TRAPPC9: variants seen among roughly 807,000 people sequenced by gnomAD.
TRAPPC9 encodes the protein IKK2 binding protein.
Under a neutral mutation model 124.0 loss-of-function variants are expected in TRAPPC9, and 83 were observed. The ratio of observed to expected loss-of-function variants is 0.67; its 90% CI spans 0.56 to 0.80. The LOEUF (loss-of-function observed/expected upper bound fraction) is 0.80. TRAPPC9 is among the 30% of genes least tolerant of loss of function. TRAPPC9 has a pLI of 0.00. For missense variants in TRAPPC9, 1,302 were observed against 1,508.3 expected, an observed-to-expected ratio of 0.86 and a Z score of 2.27; for synonymous variants, 638 against 617.5, an observed-to-expected ratio of 1.03 and a Z score of -0.49.
chr8:140,293,964 G>T (rs1300041170), intron 11 of TRAPPC9, among the ~76,000 whole-genome samples: 1 of 152,134 alleles, frequency 6.6e-6, no homozygotes, highest in African/African-American at 2.4e-5. Context: ...GTACTCATCT[G>T]AGCCTCTGCA....
chr8:139,924,538 C>T (rs1001216306), intron 19 of TRAPPC9, among the ~76,000 whole-genome samples: 10 of 152,192 alleles, frequency 6.6e-5, no homozygotes, highest in African/African-American at 2.2e-4. Context: ...ATCATGCTGC[C>T]GGGCCCTGGC....
chr8:140,357,678 G>A (rs896102388), intron 9 of TRAPPC9, among the ~76,000 whole-genome samples: 1 of 152,122 alleles, frequency 6.6e-6, no homozygotes, highest in South Asian at 2.1e-4. Context: ...TGCCCAAGCC[G>A]CCACTGAGCC....
chr8:140,383,791 C>T (rs1304921129), intron 7 of TRAPPC9, among the ~76,000 whole-genome samples: 1 of 152,170 alleles, frequency 6.6e-6, no homozygotes, highest in East Asian at 1.9e-4. Context: ...GGCCAACATT[C>T]AAATTCACGA....
At chr8:139,819,711 C>T (rs35760685) in intron 21 of TRAPPC9, among the ~76,000 whole-genome samples, 9,668 of 152,128 alleles carry the variant, frequency 0.064, 400 homozygotes, top group Admixed American at 0.13. Context: ...GGAGAGCTCA[C>T]ACCAAGAAAT....
Position 139,730,132 on chromosome 8 carries a change from T to A in TRAPPC9, c.*929A>T, listed in dbSNP as rs1244984802. ...CCCAGTCACACTCCTTCACTGGTGA[T>A]CTCCCTCCCCTGCAGGCCTCCTTCC... is the stretch of plus-strand genomic sequence containing the variant. On this transcript the variant is annotated 3_prime_UTR_variant, in exon 23 of 23. Coordinates refer to ENST00000438773, the MANE Select transcript of TRAPPC9 (RefSeq NM_001160372.4). Among the ~76,000 whole-genome samples the A allele has an allele frequency of 6.6e-6, 1 of 152,068 alleles. No individual in the cohort carries two copies. The highest frequency in any genetic ancestry group is 6.5e-5 in the Admixed American group (1 of 15,278).
chr8:140,225,036 A>G (rs568273201), intron 16 of TRAPPC9, among the ~76,000 whole-genome samples: 7 of 152,358 alleles, frequency 4.6e-5, no homozygotes, highest in African/African-American at 1.7e-4. Flanking sequence ...TAGAACACAT[A>G]TACTGTGAGG....
At position 139,910,152 on chromosome 8, in the gene TRAPPC9, T is replaced by G. The variant is rs1362808181; in HGVS notation, c.2959A>C (p.Arg987=). 1 of 1,613,864 alleles carries G rather than the reference T, an allele frequency of 6.2e-7. No homozygotes were observed. The highest frequency in any genetic ancestry group is 2.2e-5 in the East Asian group (1 of 44,828). ...EIHSKLGICW[R]IPSLKRSGEA... is the part of the protein sequence containing the mutation. ...TGGCCCCTGGAAAAGGATATGATTC[T>G]CCAGCAGATGCCCAGCTTGCTGTGG... The change falls in exon 20 of 23, where the codon AGA becomes CGA. Residue 987 remains arginine (R), a synonymous_variant. Transcript: ENST00000438773.
intron 21 of TRAPPC9, among the ~76,000 whole-genome samples, chr8:139,768,724 C>T (rs1037010108): frequency 2.0e-5 from 3 of 152,172 alleles, no homozygotes; most frequent in Non-Finnish European, 4.4e-5. Context: ...CTTTGTACAG[C>T]TCTATTAAAT....
At chr8:140,024,222 C>T (rs539205025) in intron 17 of TRAPPC9, 143 bp from the exon 18 acceptor site, 16 of 1,082,118 alleles carry the variant, frequency 1.5e-5, no homozygotes, top group Non-Finnish European at 2.2e-5. Context: ...CGACTCACAA[C>T]CCCGGCGGGT....
intron 21 of TRAPPC9, among the ~76,000 whole-genome samples, chr8:139,844,847 G>A (rs906862041): frequency 5.3e-5 from 8 of 152,158 alleles, no homozygotes; most frequent in Non-Finnish European, 8.8e-5. Flanking sequence ...GCCTTTGCCC[G>A]GGGCCCCCAG....
intron 3 of TRAPPC9, 126 bp downstream of exon 3, chr8:140,438,926 A>C: frequency 1.8e-6 from 2 of 1,139,200 alleles, no homozygotes; most frequent in Non-Finnish European, 1.3e-6. Flanking sequence ...TCTTGACCTC[A>C]TATTTGGCCT....
intron 16 of TRAPPC9, among the ~76,000 whole-genome samples, chr8:140,249,026 GT>G (rs2064055905): frequency 6.7e-6 from 1 of 148,822 alleles, no homozygotes; most frequent in Non-Finnish European, 1.5e-5. Flanking sequence ...ACTTTTTTTT[GT>G]AATTTCAACT....
chr8:140,280,005 C>T (rs551536506), intron 14 of TRAPPC9, among the ~76,000 whole-genome samples: 2 of 152,378 alleles, frequency 1.3e-5, no homozygotes, highest in African/African-American at 4.8e-5. Flanking sequence ...GATGGAGCCA[C>T]GATCTCCTTT....
chr8:139,924,468 G>A (rs1251540913), intron 19 of TRAPPC9, among the ~76,000 whole-genome samples: 1 of 152,184 alleles, frequency 6.6e-6, no homozygotes, highest in African/African-American at 2.4e-5. Flanking sequence ...TGGACCTCTG[G>A]TTCTTGCCTG....
chr8:139,913,670 G>A (rs1831908103), intron 19 of TRAPPC9, among the ~76,000 whole-genome samples: 1 of 152,148 alleles, frequency 6.6e-6, no homozygotes, highest in African/African-American at 2.4e-5. Flanking sequence ...TGGGATGGCC[G>A]ACGCTGGCAA....
intron 17 of TRAPPC9, among the ~76,000 whole-genome samples, chr8:140,112,223 G>A (rs912141364): frequency 3.3e-5 from 5 of 152,002 alleles, no homozygotes; most frequent in Admixed American, 6.6e-5. Flanking sequence ...GGACAGGTGG[G>A]AGGAGAGTAA....
intron 21 of TRAPPC9, among the ~76,000 whole-genome samples, chr8:139,807,331 C>T (rs191693886): frequency 6.6e-6 from 1 of 152,290 alleles, no homozygotes; most frequent in East Asian, 1.9e-4. Context: ...ATGACCCATG[C>T]GTTCAGAAGA....
At chr8:140,122,503 G>T (rs2061007576) in intron 17 of TRAPPC9, among the ~76,000 whole-genome samples, 1 of 152,218 alleles carries the variant, frequency 6.6e-6, no homozygotes, top group Non-Finnish European at 1.5e-5. Flanking sequence ...CCAGTTCAGT[G>T]CCTATATCTG....
chr8:140,389,931 T>C (rs2068876082), intron 7 of TRAPPC9, among the ~76,000 whole-genome samples: 1 of 150,994 alleles, frequency 6.6e-6, no homozygotes, highest in Non-Finnish European at 1.5e-5. Flanking sequence ...ATCACAAAAA[T>C]GTCTGCCATG....
Sources: gnomAD v4.1 joint callset for allele counts (sites outside exome capture counted in the v4.1 genomes callset) on GRCh38, gnomAD v4.1.1 for gene constraint, MANE v1.5 for transcripts, NCBI Gene and HGNC (gene_info 2026-07-23, HGNC 2026-07-21) for gene names.